The following NPY2R variants were observed in gnomAD, a reference collection of about 807,000 sequenced individuals.
NPY2R encodes the protein neuropeptide Y receptor type 2.
Under a neutral mutation model 22.3 loss-of-function variants are expected in NPY2R, and 17 were observed. The observed-to-expected ratio is 0.76, with a 90% CI of 0.52 to 1.14. The LOEUF (loss-of-function observed/expected upper bound fraction) is 1.14, where lower values mean the gene tolerates loss of function less well. Among genes scored for constraint, NPY2R ranks in the 50% most tolerant of loss-of-function variants. The pLI, the probability that NPY2R is intolerant of heterozygous loss-of-function variation, is 0.00. For missense variants in NPY2R, 424 were observed against 467.9 expected, an observed-to-expected ratio of 0.91 and a Z score of 0.87; for synonymous variants, 209 against 183.4, an observed-to-expected ratio of 1.14 and a Z score of -1.13.
the NPY2R span, among the ~76,000 whole-genome samples, chr4:155,192,964 G>A: frequency 1.3e-5 from 2 of 151,878 alleles, no homozygotes; most frequent in Non-Finnish European, 2.9e-5. Flanking sequence ...TCCATTTTAA[G>A]TAGGCAAGAA....
chr4:155,198,696 A>G, the NPY2R span, among the ~76,000 whole-genome samples: 2 of 137,930 alleles, frequency 1.5e-5, no homozygotes, highest in Non-Finnish European at 3.2e-5. Flanking sequence ...TATGCCTCTT[A>G]TTTTACAGTG....
At position 155,214,946 on chromosome 4, in the gene NPY2R, TC is replaced by T; in HGVS notation, c.1009del (p.Leu337SerfsTer19). ...ATGAACAGCAACTACAGAAAGGCTTTCCTCTCGGCCTTCCGCTGTGAGCAGC... is the reference window on the plus strand; with the variant it reads ...ATGAACAGCAACTACAGAAAGGCTTTCTCTCGGCCTTCCGCTGTGAGCAGC... ...GWMNSNYRKA[F>X]LSAFRCEQRL... On this transcript the variant is annotated frameshift_variant, in exon 2 of 2. Transcript: ENST00000329476. LOFTEE classifies it high-confidence loss of function. 6.2e-7 allele frequency: 1 copy of T among 1,614,188 alleles called. No homozygotes were observed. The highest frequency in any genetic ancestry group is 8.5e-7 in the Non-Finnish European group (1 of 1,180,004).
At chr4:155,204,044 A>T (rs1260730016), upstream of NPY2R, among the ~76,000 whole-genome samples, 1 of 151,982 alleles carries the variant, frequency 6.6e-6, no homozygotes, top group Non-Finnish European at 1.5e-5. Flanking sequence ...CCTTTTGGCC[A>T]GTGGCCTGAT....
chr4:155,180,110 G>A, the NPY2R span, among the ~76,000 whole-genome samples: 1 of 150,188 alleles, frequency 6.7e-6, no homozygotes, highest in African/African-American at 2.5e-5. Context: ...TCTTAAGATG[G>A]GGTCTTGCCA....
the NPY2R span, among the ~76,000 whole-genome samples, chr4:155,176,335 C>T: frequency 6.6e-6 from 1 of 152,266 alleles, no homozygotes; most frequent in South Asian, 2.1e-4. Flanking sequence ...AGCCCTGCCT[C>T]TTTCCCTCCA....
At chr4:155,209,838 G>C (rs1277851248) in intron 1 of NPY2R, among the ~76,000 whole-genome samples, 1 of 151,962 alleles carries the variant, frequency 6.6e-6, no homozygotes, top group Non-Finnish European at 1.5e-5. Context: ...AGGCCAACCT[G>C]TGACAATATT....
the NPY2R span, among the ~76,000 whole-genome samples, chr4:155,186,236 T>C: frequency 6.6e-6 from 1 of 152,294 alleles, no homozygotes; most frequent in African/African-American, 2.4e-5. Context: ...TCTGCCTATA[T>C]AAAACAATTT....
the NPY2R span, among the ~76,000 whole-genome samples, chr4:155,182,483 G>A: frequency 6.6e-6 from 1 of 151,968 alleles, no homozygotes; most frequent in South Asian, 2.1e-4. Context: ...AGTTTTGGTG[G>A]CTGCATCATG....
chr4:155,210,927 T>C lies in NPY2R; in HGVS notation c.-49+1858T>C, dbSNP rs557245362. 4.6e-5 allele frequency among the ~76,000 whole-genome samples: 7 copies of C among 152,296 alleles called. No homozygotes were observed. In the South Asian group the frequency reaches 1.4e-3, roughly 32 times the overall value. ...AGAAAGTTTTCTTTATGGGTTATACTGACAATTTAAAATGTTATAATCAGG... is the reference window on the plus strand; with the variant it reads ...AGAAAGTTTTCTTTATGGGTTATACCGACAATTTAAAATGTTATAATCAGG... On this transcript the variant is annotated intron_variant, in intron 1 of 1. Transcript: ENST00000329476.
In NPY2R at chr4:155,214,638, C is replaced by A; in HGVS notation, c.699C>A (p.Gly233=). ...TGATCTTGTATGTTTTGCCTCTGGGCATTATATCATTTTCCTACACTCGCA... is the reference window on the plus strand; with the variant it reads ...TGATCTTGTATGTTTTGCCTCTGGGAATTATATCATTTTCCTACACTCGCA... ...SLLILYVLPL[G]IISFSYTRIW... The change falls in exon 2 of 2, where the codon GGC becomes GGA. Residue 233 remains glycine, a synonymous_variant. Coordinates refer to ENST00000329476, the MANE Select transcript of NPY2R (RefSeq NM_000910.4). 6.2e-7 allele frequency: 1 copy of A among 1,614,136 alleles called. No homozygotes were observed. Among genetic ancestry groups the A allele is most frequent in the Non-Finnish European group, 8.5e-7 (1 of 1,180,004 alleles).
At chr4:155,206,567 TCATAGAGAC>T (rs1316394191), upstream of NPY2R, 1 of 152,216 alleles carries the variant, frequency 6.6e-6, no homozygotes, top group African/African-American at 2.4e-5. Flanking sequence ...AGGACATTAA[TCATAGAGAC>T]CATTTACTCT....
the NPY2R span, among the ~76,000 whole-genome samples, chr4:155,202,444 A>G: frequency 6.6e-6 from 1 of 152,174 alleles, no homozygotes; most frequent in African/African-American, 2.4e-5. Flanking sequence ...GTCTGTGTAC[A>G]ATTCATCTTT....
the NPY2R span, among the ~76,000 whole-genome samples, chr4:155,187,663 T>C: frequency 6.6e-6 from 1 of 152,114 alleles, no homozygotes; most frequent in Middle Eastern, 3.2e-3. Context: ...TTTCAAAATG[T>C]AAAAATAAAA....
upstream of NPY2R, among the ~76,000 whole-genome samples, chr4:155,204,094 A>T (rs1454535471): frequency 6.6e-6 from 1 of 151,994 alleles, no homozygotes. Context: ...CAGCTTCCAC[A>T]TTCCAGCGGA....
intron 1 of NPY2R, among the ~76,000 whole-genome samples, chr4:155,213,267 C>G (rs557241880): frequency 8.6e-5 from 13 of 152,000 alleles, no homozygotes; most frequent in Non-Finnish European, 1.5e-4. Context: ...CATTTGTACC[C>G]CAAAAGCTAT....
upstream of NPY2R, chr4:155,207,254 C>T (rs187927729): frequency 2.6e-5 from 4 of 152,214 alleles, no homozygotes; most frequent in Admixed American, 2.6e-4. Context: ...TTGAGGGAAG[C>T]CTTTAATTAA....
chr4:155,202,490 A>G, the NPY2R span, among the ~76,000 whole-genome samples: 4 of 152,152 alleles, frequency 2.6e-5, no homozygotes, highest in African/African-American at 9.7e-5. Flanking sequence ...CTCAATAAAG[A>G]TTTCTTTGTA....
At chr4:155,184,227 C>CCG in the NPY2R span, among the ~76,000 whole-genome samples, 1 of 17,098 alleles carries the variant, frequency 5.8e-5, no homozygotes, top group African/African-American at 9.6e-4. Flanking sequence ...TAGCCTCAAA[C>CCG]AATTTCTCCT....
the NPY2R span, among the ~76,000 whole-genome samples, chr4:155,175,809 GAAAT>G: frequency 7.3e-5 from 11 of 149,978 alleles, no homozygotes; most frequent in Non-Finnish European, 1.3e-4. Context: ...AAAAAGAAAA[GAAAT>G]AAATAAAGAA....
Sources: gnomAD v4.1 joint callset for allele counts (sites outside exome capture counted in the v4.1 genomes callset) on GRCh38, gnomAD v4.1.1 for gene constraint, MANE v1.5 for transcripts, NCBI Gene and HGNC (gene_info 2026-07-23, HGNC 2026-07-21) for gene names.